The following PIK3CA variants were observed in gnomAD, a reference collection of about 807,000 sequenced individuals.
PIK3CA encodes phosphatidylinositol-4,5-bisphosphate 3-kinase catalytic subunit alpha.
PIK3CA carries 27 observed loss-of-function variants against 138.2 expected under a neutral mutation model. That is an observed-to-expected ratio of 0.20 (90% CI 0.14 to 0.27). PIK3CA has a LOEUF of 0.27. PIK3CA is among the 10% of genes least tolerant of loss of function. The pLI, the probability that PIK3CA is intolerant of heterozygous loss-of-function variation, is 1.00. For missense variants in PIK3CA, 544 were observed against 1,277.4 expected, an observed-to-expected ratio of 0.43 and a Z score of 8.75; for synonymous variants, 358 against 413.2, an observed-to-expected ratio of 0.87 and a Z score of 1.62.
rs1244784007 is a variant in PIK3CA, at chr3:179,220,177, A to C, written c.2015+125A>C. The stretch of plus-strand genomic sequence containing the variant: ...TTGGCTGGAAGAGTTTTCCATACTA[A>C]AAGTATTTTGTACCAGTGATGAGCT... On this transcript the variant is annotated intron_variant, in intron 13 of 20. Transcript: ENST00000263967. This position sits in a 1 kb window ranked among gnomAD's most constrained non-coding sequence, Gnocchi z 4.1. 1 of 935,414 alleles carries C rather than the reference A, an allele frequency of 1.1e-6. No homozygotes were observed. Among genetic ancestry groups the C allele is most frequent in the African/African-American group, 1.7e-5 (1 of 57,814 alleles). 57.9% of individuals were successfully genotyped at this position (935,414 alleles called of 1,614,324 possible). A position where few individuals can be genotyped will look rare whatever the true frequency, so the allele number is the denominator to read the frequency against.
chr3:179,220,886 TG>T lies in PIK3CA; in HGVS notation c.2016-98del. The T allele has an allele frequency of 1.7e-6, 1 of 590,716 alleles. No homozygotes were observed. The highest frequency in any genetic ancestry group is 2.7e-6 in the Non-Finnish European group (1 of 373,240). The allele number at this position is 590,716 out of a possible 1,614,324, so 36.6% of individuals were successfully genotyped here. On this transcript the variant is annotated intron_variant, in intron 13 of 20. Transcript: ENST00000263967. The surrounding 1 kb of genome is among the most constrained non-coding windows in gnomAD (Gnocchi z 4.1). Reference sequence around the variant, plus strand: ...TTATTAGTATGATTGTAACATTTATTGGATTTCAAAAATGAGTGTTTAAATT... The same window carrying T: ...TTATTAGTATGATTGTAACATTTATTGATTTCAAAAATGAGTGTTTAAATT...
intron 1 of PIK3CA, among the ~76,000 whole-genome samples, chr3:179,150,505 A>C (rs1722989646): frequency 6.6e-6 from 1 of 152,230 alleles, no homozygotes; most frequent in African/African-American, 2.4e-5. Flanking sequence ...TAAGGTTAAA[A>C]AAATTTAACT....
In PIK3CA at chr3:179,236,007, GT is replaced by G. The variant is rs1165691693; in HGVS notation, c.*1649del. 1.4e-5 allele frequency: 3 copies of G among 207,964 alleles called. No individual in the cohort carries two copies. 12.9% of individuals were successfully genotyped at this position (207,964 alleles called of 1,614,324 possible). A position where few individuals can be genotyped will look rare whatever the true frequency, so the allele number is the denominator to read the frequency against. ...CAAAAAAGTGCAATAATTATTGACA[GT>G]TTTTTAGATTAGGCATATTATTGGA... is the stretch of plus-strand genomic sequence containing the variant. On this transcript the variant is annotated 3_prime_UTR_variant, in exon 21 of 21. Coordinates refer to ENST00000263967, the MANE Select transcript of PIK3CA (RefSeq NM_006218.4).
In PIK3CA at chr3:179,237,292, G is replaced by A. The variant is rs1227791171; in HGVS notation, c.*2928G>A. ...TTTTACAATAGAACCTAAGCTTTTT[G>A]TGGTTCTTAGTGTCCTATGTAAAAC... is the stretch of plus-strand genomic sequence containing the variant. On this transcript the variant is annotated 3_prime_UTR_variant, in exon 21 of 21. Transcript: ENST00000263967. 2 of 194,820 alleles carry A rather than the reference G, an allele frequency of 1.0e-5. No individual in the cohort carries two copies. Among genetic ancestry groups the A allele is most frequent in the Non-Finnish European group, 2.1e-5 (2 of 93,722 alleles). 12.1% of individuals were successfully genotyped at this position (194,820 alleles called of 1,614,324 possible).
Position 179,209,709 on chromosome 3 carries a change from T to G in PIK3CA, c.1251+9T>G, listed in dbSNP as rs775337470. The G allele has an allele frequency of 2.5e-5, 38 of 1,518,456 alleles. No homozygotes were observed. In the South Asian group the frequency reaches 4.0e-4, roughly 16 times the overall value. 94.1% of individuals were successfully genotyped at this position (1,518,456 alleles called of 1,614,324 possible). Reference sequence around the variant, plus strand: ...GAAAGGGTGCTAAAGAGGTAAAGTATTTCAGAAGGAACAATTATGTTTACC... The same window carrying G: ...GAAAGGGTGCTAAAGAGGTAAAGTAGTTCAGAAGGAACAATTATGTTTACC... On this transcript the variant is annotated intron_variant, in intron 7 of 20. Transcript: ENST00000263967.
At position 179,199,877 on chromosome 3, in the gene PIK3CA, C is replaced by T; in HGVS notation, c.540C>T (p.His180=). 6.2e-7 allele frequency: 1 copy of T among 1,602,074 alleles called. No individual in the cohort carries two copies. Among genetic ancestry groups the T allele is most frequent in the Non-Finnish European group, 8.6e-7 (1 of 1,169,570 alleles). The change falls in exon 3 of 21, where the codon CAC becomes CAT. Residue 180 remains histidine, a synonymous_variant. Transcript: ENST00000263967. ...NVESSPELPK[H]IYNKLDKGQI... is the part of the protein sequence containing the mutation. Reference sequence around the variant, plus strand: ...AATCTTCACCAGAATTGCCAAAGCACATATATAATAAATTAGATAAAGGTA... The same window carrying T: ...AATCTTCACCAGAATTGCCAAAGCATATATATAATAAATTAGATAAAGGTA...
At chr3:179,180,284 T>C (rs1455123783) in intron 1 of PIK3CA, among the ~76,000 whole-genome samples, 1 of 152,182 alleles carries the variant, frequency 6.6e-6, no homozygotes, top group Admixed American at 6.5e-5. Flanking sequence ...ATTCTGTACC[T>C]GTCAGAAATC....
At chr3:179,151,363 C>T (rs1038542758) in intron 1 of PIK3CA, among the ~76,000 whole-genome samples, 1 of 152,168 alleles carries the variant, frequency 6.6e-6, no homozygotes, top group Middle Eastern at 3.2e-3. Context: ...TTTAATAGAA[C>T]TGAAGAAATT....
At chr3:179,203,521 C>G (rs2108392416) in intron 4 of PIK3CA, 23 bp from the exon 5 acceptor site, 1 of 1,583,984 alleles carries the variant, frequency 6.3e-7, no homozygotes, top group African/African-American at 1.4e-5. Context: ...CAGGAAATGG[C>G]TCGCCCCCTT....
chr3:179,225,530 TTTAA>T (rs1314362733), intron 16 of PIK3CA, among the ~76,000 whole-genome samples: 1 of 152,202 alleles, frequency 6.6e-6, no homozygotes, highest in African/African-American at 2.4e-5. Flanking sequence ...CTATAAATGC[TTTAA>T]TTAAAAATTT....
chr3:179,165,557 T>C (rs1223706719), intron 1 of PIK3CA, among the ~76,000 whole-genome samples: 1 of 152,176 alleles, frequency 6.6e-6, no homozygotes, highest in Admixed American at 6.5e-5. Context: ...GTGTTGAGCC[T>C]GGAACCTGAA....
chr3:179,194,873 G>A (rs7614305), intron 1 of PIK3CA, among the ~76,000 whole-genome samples: 38,975 of 151,816 alleles, frequency 0.26, 5,931 homozygotes, highest in African/African-American at 0.42. Flanking sequence ...TTCATATTCT[G>A]TCTTGTAACA....
intron 9 of PIK3CA, among the ~76,000 whole-genome samples, chr3:179,214,031 T>A (rs567029786): frequency 2.2e-4 from 33 of 152,260 alleles, no homozygotes; most frequent in Non-Finnish European, 4.3e-4. Context: ...GTTACGGCCT[T>A]GCTCTGGATT....
intron 1 of PIK3CA, among the ~76,000 whole-genome samples, chr3:179,159,230 G>A (rs1001639973): frequency 6.6e-6 from 1 of 152,032 alleles, no homozygotes; most frequent in South Asian, 2.1e-4. Context: ...TCTCTTTTAG[G>A]GGGTGATATG....
Position 179,219,046 on chromosome 3 carries a change from G to A in PIK3CA, c.1665-150G>A. 1 of 544,754 alleles carries A rather than the reference G, an allele frequency of 1.8e-6. No homozygotes were observed. Among genetic ancestry groups the A allele is most frequent in the Non-Finnish European group, 3.3e-6 (1 of 300,284 alleles). The allele number at this position is 544,754 out of a possible 1,614,324, so 33.7% of individuals were successfully genotyped here. Reference sequence around the variant, plus strand: ...ATGTAAATATATTTCCAACTATAGTGTTAAACACTGATGTCTTTTGAATTT... The same window carrying A: ...ATGTAAATATATTTCCAACTATAGTATTAAACACTGATGTCTTTTGAATTT... On this transcript the variant is annotated intron_variant, in intron 10 of 20. Transcript: ENST00000263967. This position sits in a 1 kb window ranked among gnomAD's most constrained non-coding sequence, Gnocchi z 4.2.
intron 1 of PIK3CA, among the ~76,000 whole-genome samples, chr3:179,190,938 G>A (rs189079780): frequency 2.0e-5 from 3 of 152,258 alleles, no homozygotes; most frequent in East Asian, 1.9e-4. Context: ...CTTGCTCTGC[G>A]GATAAAGTCT....
intron 7 of PIK3CA, 48 bp downstream of exon 7, chr3:179,209,748 G>C (rs529675415): frequency 3.9e-6 from 4 of 1,026,624 alleles, no homozygotes; most frequent in African/African-American, 3.2e-5. Flanking sequence ...AAAAACTCCT[G>C]ATTATACCGC....
chr3:179,235,290 TA>T lies in PIK3CA; in HGVS notation c.*927del, dbSNP rs1725312103. 2 of 179,038 alleles carry T rather than the reference TA, an allele frequency of 1.1e-5. No homozygotes were observed. The highest frequency in any genetic ancestry group is 2.0e-4 in the South Asian group (1 of 5,042). The allele number at this position is 179,038 out of a possible 1,614,324, so 11.1% of individuals were successfully genotyped here. On this transcript the variant is annotated 3_prime_UTR_variant, in exon 21 of 21. Transcript: ENST00000263967. ...GAAGTATTAATGTTATTAAAAAGATTATTTTTTTTATTAAAGGCTATTTATA... is the reference window on the plus strand; with the variant it reads ...GAAGTATTAATGTTATTAAAAAGATTTTTTTTTTATTAAAGGCTATTTATA...
intron 1 of PIK3CA, among the ~76,000 whole-genome samples, chr3:179,174,852 G>T (rs1204564698): frequency 1.3e-5 from 2 of 152,004 alleles, no homozygotes; most frequent in Non-Finnish European, 2.9e-5. Context: ...TTAATTAATT[G>T]CTTCATCTCA....
Sources: allele counts gnomAD v4.1 joint callset (sites outside exome capture counted in the v4.1 genomes callset), GRCh38; gene constraint gnomAD v4.1.1; non-coding constraint Gnocchi (gnomAD v3.1); transcripts MANE v1.5; gene names NCBI Gene and HGNC (gene_info 2026-07-23, HGNC 2026-07-21).